The following IRS1 variants were observed in gnomAD, a reference collection of about 807,000 sequenced individuals.
IRS1 encodes the protein insulin receptor substrate 1.
A neutral mutation model predicts 65.6 loss-of-function variants in IRS1; 34 were observed. The observed-to-expected ratio is 0.52, with a 90% CI of 0.39 to 0.69. The LOEUF is 0.69. Among genes scored for constraint, IRS1 ranks in the 30% least tolerant of loss-of-function variants. IRS1 has a pLI of 0.00. For missense variants in IRS1, 1,641 were observed against 1,720.2 expected, an observed-to-expected ratio of 0.95 and a Z score of 0.81; for synonymous variants, 699 against 683.5, an observed-to-expected ratio of 1.02 and a Z score of -0.35.
chr2:226,739,320 A>G (rs948782961), intron 1 of IRS1, among the ~76,000 whole-genome samples: 12 of 152,306 alleles, frequency 7.9e-5, no homozygotes, highest in African/African-American at 2.4e-4. Context: ...CTACCAAATA[A>G]TGACATGGAC....
intron 1 of IRS1, among the ~76,000 whole-genome samples, chr2:226,773,494 T>C (rs1939201040): frequency 6.6e-6 from 1 of 152,052 alleles, no homozygotes; most frequent in South Asian, 2.1e-4. Flanking sequence ...TCAGGAATTC[T>C]ACTGCAAGAA....
At chr2:226,790,033 C>T (rs1014035724) in intron 1 of IRS1, among the ~76,000 whole-genome samples, 1 of 152,168 alleles carries the variant, frequency 6.6e-6, no homozygotes, top group Admixed American at 6.5e-5. Context: ...TTATCATGAC[C>T]CTGTCAACAG....
At chr2:226,782,537 T>G (rs1939403079) in intron 1 of IRS1, among the ~76,000 whole-genome samples, 1 of 152,144 alleles carries the variant, frequency 6.6e-6, no homozygotes, top group African/African-American at 2.4e-5. Flanking sequence ...CCAGACAAAA[T>G]GCCCAGCGCC....
intron 1 of IRS1, among the ~76,000 whole-genome samples, chr2:226,785,870 T>C (rs1048134723): frequency 6.8e-6 from 1 of 147,014 alleles, no homozygotes; most frequent in African/African-American, 2.6e-5. Flanking sequence ...ATTAGGTATA[T>C]CTCCCAATGC....
At position 226,795,693 on chromosome 2, in the gene IRS1, G is replaced by A. The variant is rs771924555; in HGVS notation, c.3046C>T (p.Arg1016Ter). 19 of 1,613,218 alleles carry A rather than the reference G, an allele frequency of 1.2e-5. No homozygotes were observed. The highest frequency in any genetic ancestry group is 1.1e-5 in the South Asian group (1 of 91,088). Residue 1016 changes from arginine to a stop codon, truncating the protein, a stop_gained, in exon 1 of 2, where the codon CGA becomes TGA. Transcript: ENST00000305123. LOFTEE classifies it high-confidence loss of function. Reference protein sequence around the residue: ...PAAPVSYADMRTGIAAEEVSL... With the variant: ...PAAPVSYADM Reference sequence around the variant, plus strand: ...ACCTCCTCTGCAGCAATGCCTGTTCGCATGTCAGCATAGCTTACAGGGGCA... The same window carrying A: ...ACCTCCTCTGCAGCAATGCCTGTTCACATGTCAGCATAGCTTACAGGGGCA...
intron 1 of IRS1, among the ~76,000 whole-genome samples, chr2:226,737,720 C>T (rs1281927450): frequency 6.6e-6 from 1 of 152,050 alleles, no homozygotes; most frequent in Non-Finnish European, 1.5e-5. Flanking sequence ...AAGAATCCTC[C>T]CAGCTAGGGG....
intron 1 of IRS1, among the ~76,000 whole-genome samples, chr2:226,750,421 A>G (rs1938653976): frequency 6.6e-6 from 1 of 152,166 alleles, no homozygotes. Flanking sequence ...AGAGAAAACA[A>G]GGTGATATTC....
intron 1 of IRS1, among the ~76,000 whole-genome samples, chr2:226,760,570 A>G (rs1340628806): frequency 6.6e-6 from 1 of 152,172 alleles, no homozygotes. Context: ...TGGCATTTAC[A>G]TTCTTGTCCA....
intron 1 of IRS1, among the ~76,000 whole-genome samples, chr2:226,793,163 A>C (rs561926237): frequency 6.6e-6 from 1 of 152,304 alleles, no homozygotes; most frequent in South Asian, 2.1e-4. Context: ...CTAGTTGGTC[A>C]TCAATTCTCT....
rs184730373 is a variant in IRS1, at chr2:226,736,400, T to C, written c.*22-150A>G. ...GTCCACCTAAATATGATCAACAAAC[T>C]GTATTTAGCTTTTTATTTATTTCAA... On this transcript the variant is annotated intron_variant, in intron 1 of 1. Coordinates refer to ENST00000305123, the MANE Select transcript of IRS1 (RefSeq NM_005544.3). 14 of 152,320 alleles carry C rather than the reference T, an allele frequency of 9.2e-5. No homozygotes were observed. The East Asian group carries it at 2.7e-3, about 29-fold the overall frequency. 9.4% of individuals were successfully genotyped at this position (152,320 alleles called of 1,614,324 possible).
intron 1 of IRS1, among the ~76,000 whole-genome samples, chr2:226,791,915 G>A (rs1290604257): frequency 6.6e-6 from 1 of 152,112 alleles, no homozygotes; most frequent in Non-Finnish European, 1.5e-5. Flanking sequence ...CCCCCACCCC[G>A]GGCGAAAGGG....
chr2:226,777,682 T>A (rs1421856625), intron 1 of IRS1, among the ~76,000 whole-genome samples: 54 of 152,140 alleles, frequency 3.5e-4, no homozygotes, highest in Non-Finnish European at 2.9e-5. Flanking sequence ...TCTCATGTGA[T>A]CTGATAGTTT....
chr2:226,741,422 G>A (rs1224198438), intron 1 of IRS1, among the ~76,000 whole-genome samples: 1 of 152,120 alleles, frequency 6.6e-6, no homozygotes, highest in African/African-American at 2.4e-5. Context: ...TTTAAAGGAA[G>A]GGCACAGGCA....
In IRS1 at chr2:226,799,771, G is replaced by A; in HGVS notation, c.-1033C>T. 1.0e-6 allele frequency: 1 copy of A among 996,956 alleles called. No homozygotes were observed. Among genetic ancestry groups the A allele is most frequent in the African/African-American group, 1.7e-5 (1 of 57,336 alleles). 61.8% of individuals were successfully genotyped at this position (996,956 alleles called of 1,614,324 possible). ...CGACCGCGCCGCCGTCTCACTCGGA[G>A]GAGAAAAACACGTGACGGAGCCTCC... On this transcript the variant is annotated 5_prime_UTR_variant, in exon 1 of 2. Transcript: ENST00000305123. The surrounding 1 kb of genome is among the most constrained non-coding windows in gnomAD (Gnocchi z 6.1).
In IRS1 at chr2:226,799,654, C is replaced by T; in HGVS notation, c.-916G>A. ...GGCGCTGCCGCTGCAGTTACTTCTCCCCTCCTCCCTCCTCCTCCTCCTCCT... is the reference window on the plus strand; with the variant it reads ...GGCGCTGCCGCTGCAGTTACTTCTCTCCTCCTCCCTCCTCCTCCTCCTCCT... On this transcript the variant is annotated 5_prime_UTR_variant, in exon 1 of 2. Transcript: ENST00000305123. This position sits in a 1 kb window ranked among gnomAD's most constrained non-coding sequence, Gnocchi z 6.1. 4 of 1,002,108 alleles carry T rather than the reference C, an allele frequency of 4.0e-6. No homozygotes were observed. The highest frequency in any genetic ancestry group is 3.6e-6 in the Non-Finnish European group (3 of 831,504). 62.1% of individuals were successfully genotyped at this position (1,002,108 alleles called of 1,614,324 possible). A position where few individuals can be genotyped will look rare whatever the true frequency, so the allele number is the denominator to read the frequency against.
chr2:226,738,000 AC>A (rs960113928), intron 1 of IRS1, among the ~76,000 whole-genome samples: 3 of 152,130 alleles, frequency 2.0e-5, no homozygotes, highest in Non-Finnish European at 2.9e-5. Context: ...GCTTCACTGG[AC>A]CCCAAGATAT....
Position 226,794,107 on chromosome 2 carries a change from A to G in IRS1, c.*21+882T>C, listed in dbSNP as rs112228148. Among the ~76,000 whole-genome samples the G allele has an allele frequency of 1.6e-3, 250 of 152,308 alleles. No individual in the cohort carries two copies. In the Middle Eastern group the frequency reaches 0.017, roughly 10 times the overall value. ...GCATTCTTCTCAACAAATAAAAGTAATTTTACAGAAGATATATAGTAGCCC... is the reference window on the plus strand; with the variant it reads ...GCATTCTTCTCAACAAATAAAAGTAGTTTTACAGAAGATATATAGTAGCCC... On this transcript the variant is annotated intron_variant, in intron 1 of 1. Transcript: ENST00000305123. This position sits in a 1 kb window ranked among gnomAD's most constrained non-coding sequence, Gnocchi z 4.1.
rs780147733 is a variant in IRS1 at position 226,795,376 on chromosome 2, C to A, written c.3363G>T (p.Ala1121=). ...TRVGNTVPFG[A]GAAVGGGGGS... Reference sequence around the variant, plus strand: ...CGCCACCGCCCCCTACTGCTGCCCCCGCTCCAAAGGGCACTGTGTTGCCCA... The same window carrying A: ...CGCCACCGCCCCCTACTGCTGCCCCAGCTCCAAAGGGCACTGTGTTGCCCA... Residue 1121 remains alanine (A), a synonymous_variant, in exon 1 of 2, where the codon GCG becomes GCT. Coordinates refer to ENST00000305123, the MANE Select transcript of IRS1 (RefSeq NM_005544.3). 6.2e-7 allele frequency: 1 copy of A among 1,613,098 alleles called. No homozygotes were observed. Among genetic ancestry groups the A allele is most frequent in the Admixed American group, 1.7e-5 (1 of 60,024 alleles).
At chr2:226,747,623 C>T (rs1938574339) in intron 1 of IRS1, among the ~76,000 whole-genome samples, 2 of 152,158 alleles carry the variant, frequency 1.3e-5, no homozygotes, top group African/African-American at 4.8e-5. Context: ...GAGGGGACTA[C>T]AGTCCCAAGG....
Sources: gnomAD v4.1 joint callset for allele counts (sites outside exome capture counted in the v4.1 genomes callset) on GRCh38, gnomAD v4.1.1 for gene constraint, Gnocchi (gnomAD v3.1) non-coding constraint, MANE v1.5 for transcripts, NCBI Gene and HGNC (gene_info 2026-07-23, HGNC 2026-07-21) for gene names.